The following KIAA1549L variants were observed in gnomAD, a reference collection of about 807,000 sequenced individuals.
The protein encoded by KIAA1549L is UPF0606 protein KIAA1549L.
Under a neutral mutation model 160.7 loss-of-function variants are expected in KIAA1549L, and 88 were observed. The observed-to-expected ratio is 0.55, with a 90% confidence interval of 0.46 to 0.65. KIAA1549L has a LOEUF of 0.65. Ranked by LOEUF, KIAA1549L falls within the 30% of genes least tolerant of loss-of-function variation. The pLI, the probability that KIAA1549L is intolerant of heterozygous loss-of-function variation, is 0.00. For missense variants in KIAA1549L, 2,258 were observed against 2,437.5 expected, an observed-to-expected ratio of 0.93 and a Z score of 1.55; for synonymous variants, 950 against 976.7, an observed-to-expected ratio of 0.97 and a Z score of 0.51.
chr11:33,399,961 T>C (rs1041580570), intron 1 of KIAA1549L, among the ~76,000 whole-genome samples: 3 of 152,258 alleles, frequency 2.0e-5, no homozygotes, highest in African/African-American at 4.8e-5. Flanking sequence ...AGAAAGGAGC[T>C]GACTCCGCTC....
At chr11:33,540,956 C>A (rs1182500605) in intron 1 of KIAA1549L, among the ~76,000 whole-genome samples, 1 of 152,110 alleles carries the variant, frequency 6.6e-6, no homozygotes, top group East Asian at 1.9e-4. Flanking sequence ...TCTTGGGTAT[C>A]CGTAAACCCC....
intron 10 of KIAA1549L, among the ~76,000 whole-genome samples, chr11:33,580,587 A>AAAAAAAAAAAAAAAG (rs1554994225): frequency 2.0e-4 from 25 of 127,490 alleles, no homozygotes; most frequent in East Asian, 4.3e-4. Context: ...AAAAAAAAAA[A>AAAAAAAAAAAAAAAG]AAAAGAAAAG....
At chr11:33,611,550 G>A (rs1850649653) in intron 15 of KIAA1549L, among the ~76,000 whole-genome samples, 1 of 152,148 alleles carries the variant, frequency 6.6e-6, no homozygotes, top group Non-Finnish European at 1.5e-5. Context: ...CACCATGACA[G>A]GGTTCACAAT....
Position 33,660,974 on chromosome 11 carries a change from A to T in KIAA1549L, c.6119A>T (p.Tyr2040Phe). Residue 2040 changes from tyrosine (Y) to phenylalanine (F), a missense_variant, in exon 20 of 21, where the codon TAT becomes TTT. Tyr to Phe is a conservative substitution (Grantham distance 22). Coordinates refer to ENST00000658780, the MANE Select transcript of KIAA1549L (RefSeq NM_012194.3). Reference protein sequence around the residue: ...SSYRNQAWMSYAGENELPSQW... With the variant: ...SSYRNQAWMSFAGENELPSQW... ...TATAGGAACCAGGCCTGGATGTCCT[A>T]TGCAGGAGAGAATGAGCTCCCGAGC... 6.2e-7 allele frequency: 1 copy of T among 1,612,276 alleles called. No individual in the cohort carries two copies. Among genetic ancestry groups the T allele is most frequent in the South Asian group, 1.1e-5 (1 of 90,582 alleles).
At chr11:33,451,662 T>C (rs1182638333) in intron 1 of KIAA1549L, among the ~76,000 whole-genome samples, 1 of 152,246 alleles carries the variant, frequency 6.6e-6, no homozygotes, top group Non-Finnish European at 1.5e-5. Flanking sequence ...TTGTGACAAC[T>C]CCCTCAACCT....
intron 1 of KIAA1549L, among the ~76,000 whole-genome samples, chr11:33,417,161 A>G (rs1237369988): frequency 1.3e-5 from 2 of 152,246 alleles, no homozygotes; most frequent in African/African-American, 4.8e-5. Context: ...TTTAAATTTA[A>G]ATAGCCATAT....
chr11:33,650,619 G>A (rs1179888683), intron 17 of KIAA1549L, among the ~76,000 whole-genome samples: 1 of 152,084 alleles, frequency 6.6e-6, no homozygotes, highest in Admixed American at 6.5e-5. Context: ...GAGCATAGCC[G>A]TATCCTCTTT....
Position 33,600,566 on chromosome 11 carries a change from C to T in KIAA1549L, c.4879+1619C>T, listed in dbSNP as rs571114057. Among the ~76,000 whole-genome samples, 3 of 149,456 alleles carry T rather than the reference C, an allele frequency of 2.0e-5. No homozygotes were observed. In the South Asian group the frequency reaches 6.5e-4, roughly 32 times the overall value. ...CCCCTCCCCCTCCTTCCTTCCTTTC[C>T]TTCCTTCCTTCCTTTATATACTTCC... On this transcript the variant is annotated intron_variant, in intron 13 of 20. Transcript: ENST00000658780.
At chr11:33,595,462 C>T (rs968022722) in intron 12 of KIAA1549L, among the ~76,000 whole-genome samples, 17 of 152,320 alleles carry the variant, frequency 1.1e-4, no homozygotes, top group African/African-American at 4.1e-4. Flanking sequence ...CTCCTGACCT[C>T]AAGTGATCTG....
At chr11:33,632,891 G>A (rs1851336548) in intron 16 of KIAA1549L, among the ~76,000 whole-genome samples, 1 of 151,930 alleles carries the variant, frequency 6.6e-6, no homozygotes, top group Admixed American at 6.6e-5. Context: ...CACTGTGTTG[G>A]GCATTTTAAG....
At chr11:33,446,394 G>GT (rs938692457) in intron 1 of KIAA1549L, among the ~76,000 whole-genome samples, 7 of 151,904 alleles carry the variant, frequency 4.6e-5, no homozygotes, top group Admixed American at 4.6e-4. Context: ...TGTGCTCGGC[G>GT]TTTTTTGTTT....
At chr11:33,473,484 G>C (rs1187947471) in intron 1 of KIAA1549L, among the ~76,000 whole-genome samples, 2 of 152,188 alleles carry the variant, frequency 1.3e-5, no homozygotes, top group Non-Finnish European at 1.5e-5. Flanking sequence ...CACGCGTGAA[G>C]GCTCATTGGT....
chr11:33,592,750 G>A (rs755892635), intron 12 of KIAA1549L, among the ~76,000 whole-genome samples: 1 of 152,196 alleles, frequency 6.6e-6, no homozygotes, highest in Non-Finnish European at 1.5e-5. Context: ...GCACAGTTAA[G>A]GGATAGAGAA....
rs1019298847 is a variant in KIAA1549L, at chr11:33,543,547, C to A, written c.1984C>A (p.Pro662Thr). The change falls in exon 2 of 21, where the codon CCA (proline) becomes ACA (threonine). Residue 662 changes from proline to threonine, a missense_variant. Transcript: ENST00000658780. ...AGCTGCTGTGGACCATTCTGGGTTG[C>A]CAGCTTCAGCTTCCAAACAGGTGAG... ...YAAAVDHSGL[P>T]ASASKQVRAS... The A allele has an allele frequency of 5.6e-6, 9 of 1,613,898 alleles. No individual in the cohort carries two copies. The highest frequency in any genetic ancestry group is 5.9e-6 in the Non-Finnish European group (7 of 1,179,892).
intron 1 of KIAA1549L, among the ~76,000 whole-genome samples, chr11:33,448,473 T>A (rs1360556670): frequency 6.6e-6 from 1 of 152,228 alleles, no homozygotes; most frequent in Admixed American, 6.5e-5. Flanking sequence ...GGCATCTCTG[T>A]GGCCTTGAAG....
chr11:33,495,754 G>A (rs944927602), intron 1 of KIAA1549L, among the ~76,000 whole-genome samples: 7 of 151,972 alleles, frequency 4.6e-5, no homozygotes, highest in Admixed American at 6.5e-5. Context: ...CAGTGTAAAA[G>A]TGTTCCTGTT....
At position 33,543,170 on chromosome 11, in the gene KIAA1549L, C is replaced by T. The variant is rs1420006888; in HGVS notation, c.1607C>T (p.Pro536Leu). The part of the protein sequence containing the change: ...LPAEGSDGSP[P>L]ATRDLLLSSK... ...GCAGAGGGCAGTGATGGGTCCCCTC[C>T]TGCAACTAGAGACTTGCTCCTCTCA... The change falls in exon 2 of 21, where the codon CCT becomes CTT. Residue 536 changes from proline to leucine, a missense_variant. This residue lies in a region of KIAA1549L where 540 missense variants were observed against 465.7 expected (regional missense o/e 1.16). Coordinates refer to ENST00000658780, the MANE Select transcript of KIAA1549L (RefSeq NM_012194.3). The T allele has an allele frequency of 6.2e-7, 1 of 1,613,934 alleles. No homozygotes were observed. The highest frequency in any genetic ancestry group is 8.5e-7 in the Non-Finnish European group (1 of 1,179,886).
intron 16 of KIAA1549L, among the ~76,000 whole-genome samples, chr11:33,627,021 G>T (rs1299496703): frequency 6.0e-4 from 49 of 82,034 alleles, no homozygotes; most frequent in African/African-American, 7.0e-4. Context: ...TAATCATGTG[G>T]TTTTTGTCTT....
chr11:33,534,578 T>TTC (rs397764816), intron 1 of KIAA1549L, among the ~76,000 whole-genome samples: 1 of 151,790 alleles, frequency 6.6e-6, no homozygotes, highest in African/African-American at 2.4e-5. Context: ...GTATTTTTTT[T>TTC]CTTGAAAAAT....
Sources: gnomAD v4.1 joint callset for allele counts (sites outside exome capture counted in the v4.1 genomes callset) on GRCh38, gnomAD v4.1.1 for gene constraint, gnomAD v4.1.1 regional missense constraint, MANE v1.5 for transcripts, NCBI Gene and HGNC (gene_info 2026-07-23, HGNC 2026-07-21) for gene names.